The following NFIB variants were observed in gnomAD, a reference collection of about 807,000 sequenced individuals.
The protein encoded by NFIB is nuclear factor I B, also known as nuclear factor 1 B-type.
Under a neutral mutation model 61.5 loss-of-function variants are expected in NFIB, and 11 were observed. The observed-to-expected ratio is 0.18, with a 90% CI of 0.11 to 0.30. The LOEUF is 0.30. Ranked by LOEUF, NFIB falls within the 10% of genes least tolerant of loss-of-function variation. The pLI, the probability that NFIB is intolerant of heterozygous loss-of-function variation, is 1.00. For synonymous variants in NFIB, 260 were observed against 216.5 expected, an observed-to-expected ratio of 1.20 and a Z score of -1.76; for missense variants, 471 against 608.9, an observed-to-expected ratio of 0.77 and a Z score of 2.38.
At chr9:14,195,492 C>A (rs542571547) in intron 2 of NFIB, among the ~76,000 whole-genome samples, 37 of 152,196 alleles carry the variant, frequency 2.4e-4, no homozygotes, top group Non-Finnish European at 4.7e-4. Flanking sequence ...ATGATAAATT[C>A]TAATTTTTAT....
intron 1 of NFIB, among the ~76,000 whole-genome samples, chr9:14,336,936 TA>T (rs2060892617): frequency 6.6e-6 from 1 of 152,198 alleles, no homozygotes; most frequent in Non-Finnish European, 1.5e-5. Context: ...ACGGACAATA[TA>T]TAAACAATGA....
the NFIB span, among the ~76,000 whole-genome samples, chr9:14,462,897 C>G: frequency 6.6e-6 from 1 of 152,086 alleles, no homozygotes; most frequent in Non-Finnish European, 1.5e-5. Context: ...GCAACACTTC[C>G]CAAAGGCAGA....
chr9:14,308,707 G>T (rs2060143157), intron 1 of NFIB, among the ~76,000 whole-genome samples: 1 of 152,202 alleles, frequency 6.6e-6, no homozygotes, highest in African/African-American at 2.4e-5. Context: ...GCATGTGCAT[G>T]TGAATTTGCA....
intron 1 of NFIB, chr9:14,308,105 G>T (rs2060109205): frequency 6.6e-6 from 1 of 152,210 alleles, no homozygotes; most frequent in African/African-American, 2.4e-5. Context: ...GCTGCTGGTG[G>T]CACAAAGAGC....
At chr9:14,129,477 A>C (rs1414874611) in intron 6 of NFIB, among the ~76,000 whole-genome samples, 1 of 151,974 alleles carries the variant, frequency 6.6e-6, no homozygotes, top group Non-Finnish European at 1.5e-5. Context: ...GGGAAAAAGT[A>C]AAGATAGAGT....
intron 2 of NFIB, among the ~76,000 whole-genome samples, chr9:14,254,897 A>G (rs1330571241): frequency 6.6e-6 from 1 of 152,190 alleles, no homozygotes; most frequent in Admixed American, 6.6e-5. Flanking sequence ...AGTGAACTTC[A>G]GACAAGTACC....
At chr9:14,504,537 C>A in the NFIB span, among the ~76,000 whole-genome samples, 1 of 152,244 alleles carries the variant, frequency 6.6e-6, no homozygotes, top group Non-Finnish European at 1.5e-5. Flanking sequence ...TTGTAGAGGT[C>A]TTTTACCTCC....
chr9:14,140,688 C>T (rs1442595046), intron 6 of NFIB, among the ~76,000 whole-genome samples: 1 of 152,148 alleles, frequency 6.6e-6, no homozygotes, highest in Non-Finnish European at 1.5e-5. Context: ...AATCCCATCA[C>T]TTTGGGAGGC....
intron 2 of NFIB, among the ~76,000 whole-genome samples, chr9:14,272,155 TA>T (rs2057670709): frequency 6.6e-6 from 1 of 152,174 alleles, no homozygotes; most frequent in Non-Finnish European, 1.5e-5. Context: ...GTTTCCATTA[TA>T]CGTTTTGAAC....
rs1338734586 is a variant in NFIB, at chr9:14,136,929, A to T, written c.925+9760T>A. On this transcript the variant is annotated intron_variant, in intron 6 of 10. Coordinates refer to ENST00000380953, the MANE Select transcript of NFIB (RefSeq NM_001190737.2). ...GTGTTTAAGTTCAACCTAAATCTAT[A>T]TTTTTTTTCTCCAACAAATGTAAAT... Among the ~76,000 whole-genome samples the T allele has an allele frequency of 2.0e-5, 3 of 151,970 alleles. No individual in the cohort carries two copies. In the East Asian group the frequency reaches 5.8e-4, roughly 29 times the overall value.
intron 1 of NFIB, chr9:14,347,263 G>A (rs1275446302): frequency 6.6e-6 from 1 of 152,262 alleles, no homozygotes; most frequent in Non-Finnish European, 1.5e-5. Flanking sequence ...GGGAACGGTC[G>A]AGGCACTGAG....
chr9:14,179,605 C>T (rs936345934), intron 3 of NFIB, 122 bp downstream of exon 3: 33 of 997,258 alleles, frequency 3.3e-5, no homozygotes, highest in Non-Finnish European at 4.8e-5. Flanking sequence ...CATCTTGTCC[C>T]GATCATACCT....
At chr9:14,109,898 C>A (rs1027530045) in intron 10 of NFIB, among the ~76,000 whole-genome samples, 1 of 151,874 alleles carries the variant, frequency 6.6e-6, no homozygotes. Flanking sequence ...AACTAGTATT[C>A]CCAAGCAGTT....
chr9:14,293,046 T>C (rs2132557134), intron 2 of NFIB, among the ~76,000 whole-genome samples: 1 of 152,366 alleles, frequency 6.6e-6, no homozygotes, highest in South Asian at 2.1e-4. Context: ...GGTTTGTTTG[T>C]ACTTTCCATG....
chr9:14,408,559 G>A, the NFIB span, among the ~76,000 whole-genome samples: 1 of 152,178 alleles, frequency 6.6e-6, no homozygotes, highest in African/African-American at 2.4e-5. Context: ...TTAATTTCTG[G>A]ATGTGATTAC....
intron 1 of NFIB, chr9:14,362,790 G>A (rs2061255247): frequency 6.6e-6 from 1 of 152,156 alleles, no homozygotes; most frequent in African/African-American, 2.4e-5. Flanking sequence ...CGCTACTTGG[G>A]AAGGCTGAGG....
intron 2 of NFIB, among the ~76,000 whole-genome samples, chr9:14,278,017 T>G (rs908429391): frequency 6.6e-6 from 1 of 152,176 alleles, no homozygotes. Context: ...CCACCCTGCC[T>G]CATGCTGTAG....
chr9:14,469,642 T>A, the NFIB span, among the ~76,000 whole-genome samples: 1 of 152,228 alleles, frequency 6.6e-6, no homozygotes. Context: ...TTTAACTAGC[T>A]AGGTTTCCAT....
At chr9:14,310,552 T>C (rs910876343) in intron 1 of NFIB, among the ~76,000 whole-genome samples, 2 of 152,170 alleles carry the variant, frequency 1.3e-5, no homozygotes, top group Non-Finnish European at 2.9e-5. Flanking sequence ...TACAAAAATA[T>C]TTTTTTAAAA....
Sources: gnomAD v4.1 joint callset for allele counts (sites outside exome capture counted in the v4.1 genomes callset) on GRCh38, gnomAD v4.1.1 for gene constraint, MANE v1.5 for transcripts, NCBI Gene and HGNC (gene_info 2026-07-23, HGNC 2026-07-21) for gene names.